DDC: variants seen among roughly 807,000 people sequenced by gnomAD.
The protein encoded by DDC is dopa decarboxylase.
Under a neutral mutation model 60.0 loss-of-function variants are expected in DDC, and 43 were observed. That is an observed-to-expected ratio of 0.72 (90% confidence interval 0.56 to 0.92). The LOEUF (loss-of-function observed/expected upper bound fraction) is 0.92, where lower values mean the gene tolerates loss of function less well. DDC is among the 40% of genes least tolerant of loss of function. The pLI, the probability that DDC is intolerant of heterozygous loss-of-function variation, is 0.00. For synonymous variants in DDC, 232 were observed against 234.6 expected (o/e 0.99, Z 0.10); for missense variants, 573 against 620.2 (o/e 0.92, Z 0.81).
chr7:50,523,768 T>C (rs1457543311), intron 6 of DDC, among the ~76,000 whole-genome samples: 1 of 152,208 alleles, frequency 6.6e-6, no homozygotes, highest in Non-Finnish European at 1.5e-5. Flanking sequence ...CCTTTCCTTA[T>C]AAAACTTTAA....
intron 7 of DDC, among the ~76,000 whole-genome samples, chr7:50,501,844 C>T (rs143525261): frequency 6.3e-4 from 96 of 152,218 alleles, no homozygotes; most frequent in Non-Finnish European, 9.0e-4. Flanking sequence ...GAGGCTGAGG[C>T]GGGCATATCA....
chr7:50,470,089 T>C lies in DDC; in HGVS notation c.1124A>G (p.Gln375Arg). The change falls in exon 12 of 15, where the codon CAG becomes CGG. Residue 375 changes from glutamine (Q) to arginine (R), a missense_variant. Physicochemically the swap from Gln to Arg is conservative, Grantham distance 43. Coordinates refer to ENST00000444124, the MANE Select transcript of DDC (RefSeq NM_001082971.2). ...CAAAGTCACCTTGCGGATATAAGCC[T>C]GCAGTCCTTTGACTCCATACATCCT... is the stretch of plus-strand genomic sequence containing the variant. ...VFRMYGVKGL[Q>R]AYIRKHVQLS... is the part of the protein sequence containing the mutation. The C allele has an allele frequency of 6.2e-7, 1 of 1,611,020 alleles. No individual in the cohort carries two copies.
chr7:50,508,277 T>G (rs17635123), intron 6 of DDC, among the ~76,000 whole-genome samples: 1 of 152,156 alleles, frequency 6.6e-6, no homozygotes, highest in East Asian at 1.9e-4. Context: ...CAGCTCAGCA[T>G]TGCTCAATGA....
At chr7:50,510,703 A>G (rs532689494) in intron 6 of DDC, among the ~76,000 whole-genome samples, 1 of 147,934 alleles carries the variant, frequency 6.8e-6, no homozygotes, top group African/African-American at 2.5e-5. Context: ...GTAAGATGGC[A>G]GGGCACGGTG....
intron 13 of DDC, among the ~76,000 whole-genome samples, chr7:50,464,187 C>T (rs11575537): frequency 0.039 from 5,949 of 152,110 alleles, 242 homozygotes; most frequent in African/African-American, 0.1. Flanking sequence ...GCATCCTAGT[C>T]ACCCAAACCT....
intron 6 of DDC, among the ~76,000 whole-genome samples, chr7:50,515,680 A>G (rs2043707441): frequency 6.6e-6 from 1 of 152,196 alleles, no homozygotes; most frequent in South Asian, 2.1e-4. Context: ...TGCTGCCTTC[A>G]GGAGATTCAC....
chr7:50,563,415 T>C (rs940438463), intron 1 of DDC, among the ~76,000 whole-genome samples: 4 of 152,204 alleles, frequency 2.6e-5, no homozygotes, highest in African/African-American at 9.6e-5. Context: ...TTTGAAATTT[T>C]CTAAATGTTT....
intron 6 of DDC, among the ~76,000 whole-genome samples, chr7:50,515,075 AT>A (rs1274680845): frequency 6.6e-6 from 1 of 152,176 alleles, no homozygotes; most frequent in Non-Finnish European, 1.5e-5. Context: ...CCCTTAGGAA[AT>A]TCATGGCAAA....
intron 6 of DDC, among the ~76,000 whole-genome samples, chr7:50,519,131 TATA>T (rs1318845916): frequency 2.8e-5 from 2 of 70,296 alleles, no homozygotes; most frequent in African/African-American, 5.1e-5. Flanking sequence ...CCAACAAACA[TATA>T]AAAAAAATGC....
At chr7:50,494,666 C>T (rs1205721348) in intron 9 of DDC, among the ~76,000 whole-genome samples, 10 of 150,262 alleles carry the variant, frequency 6.7e-5, no homozygotes, top group African/African-American at 2.0e-4. Flanking sequence ...ATTTTTCTTT[C>T]GCGAATACTT....
At chr7:50,498,151 G>C (rs1309364075) in intron 8 of DDC, among the ~76,000 whole-genome samples, 1 of 152,188 alleles carries the variant, frequency 6.6e-6, no homozygotes, top group African/African-American at 2.4e-5. Flanking sequence ...TCCCACACCG[G>C]ATGTATTCTT....
intron 9 of DDC, among the ~76,000 whole-genome samples, chr7:50,491,384 C>T (rs1004831126): frequency 1.3e-5 from 2 of 152,092 alleles, no homozygotes; most frequent in African/African-American, 2.4e-5. Flanking sequence ...GACTTTACAA[C>T]CTGCTAAAAA....
chr7:50,551,253 C>T (rs1434882274), intron 1 of DDC, among the ~76,000 whole-genome samples: 12 of 136,078 alleles, frequency 8.8e-5, no homozygotes, highest in East Asian at 2.1e-4. Context: ...TTTTTTGAGA[C>T]GGGGCCTCAC....
chr7:50,561,940 A>G (rs148086350), intron 1 of DDC, among the ~76,000 whole-genome samples: 1 of 152,190 alleles, frequency 6.6e-6, no homozygotes, highest in African/African-American at 2.4e-5. Context: ...CTACACACGT[A>G]CAATAGCACA....
chr7:50,525,740 G>C (rs907270165), intron 6 of DDC, among the ~76,000 whole-genome samples: 1 of 151,694 alleles, frequency 6.6e-6, no homozygotes, highest in African/African-American at 2.4e-5. Flanking sequence ...CTCCAACCTG[G>C]GTGATAGAGT....
At chr7:50,491,470 A>C (rs977714856) in intron 9 of DDC, among the ~76,000 whole-genome samples, 1 of 152,208 alleles carries the variant, frequency 6.6e-6, no homozygotes, top group African/African-American at 2.4e-5. Flanking sequence ...AAACCCCAAG[A>C]CTAGAGACGC....
chr7:50,501,907 C>T (rs984469435), intron 7 of DDC, among the ~76,000 whole-genome samples: 2 of 152,032 alleles, frequency 1.3e-5, no homozygotes, highest in Admixed American at 6.6e-5. Flanking sequence ...AACCCCATCT[C>T]TAATAAAAAT....
intron 11 of DDC, among the ~76,000 whole-genome samples, chr7:50,470,880 T>C (rs1248668439): frequency 6.6e-6 from 1 of 152,150 alleles, no homozygotes; most frequent in Non-Finnish European, 1.5e-5. Flanking sequence ...GAAGTGAGCA[T>C]AGCAGCACTG....
Position 50,539,980 on chromosome 7 carries a change from T to C in DDC, c.250A>G (p.Ser84Gly), listed in dbSNP as rs772739889. ...PYFFAYFPTA[S>G]SYPAMLADML... ...TCCGCAAGCATGGCCGGGTACGAGC[T>C]GGCAGTGGGGAAGTAGGCGAAGAAG... Residue 84 changes from serine to glycine, a missense_variant, in exon 3 of 15, where the codon AGC becomes GGC. By Grantham distance (56) the Ser-to-Gly change is moderately conservative. Transcript: ENST00000444124. The C allele has an allele frequency of 1.2e-6, 2 of 1,614,002 alleles. No homozygotes were observed. The highest frequency in any genetic ancestry group is 8.5e-7 in the Non-Finnish European group (1 of 1,179,972).
Sources: allele counts gnomAD v4.1 joint callset (sites outside exome capture counted in the v4.1 genomes callset), GRCh38; gene constraint gnomAD v4.1.1; transcripts MANE v1.5; gene names NCBI Gene and HGNC (gene_info 2026-07-23, HGNC 2026-07-21).